DDX4: variants seen among roughly 807,000 people sequenced by gnomAD.
DDX4 encodes DEAD-box helicase 4.
A neutral mutation model predicts 100.0 loss-of-function variants in DDX4; 25 were observed. The observed-to-expected ratio is 0.25, with a 90% CI of 0.18 to 0.35. DDX4 has a LOEUF of 0.35. Ranked by LOEUF, DDX4 falls within the 10% of genes least tolerant of loss-of-function variation. DDX4 has a pLI of 1.00. For missense variants in DDX4, 635 were observed against 882.4 expected (o/e 0.72, Z 3.55); for synonymous variants, 259 against 275.7 (o/e 0.94, Z 0.60).
intron 7 of DDX4, among the ~76,000 whole-genome samples, chr5:55,774,446 C>G (rs1741442703): frequency 1.3e-5 from 2 of 152,174 alleles, no homozygotes; most frequent in Non-Finnish European, 2.9e-5. Flanking sequence ...GCCACTGCAT[C>G]TGGCCTGCAA....
intron 3 of DDX4, among the ~76,000 whole-genome samples, chr5:55,754,827 A>G (rs1365919588): frequency 6.6e-6 from 1 of 152,038 alleles, no homozygotes; most frequent in South Asian, 2.1e-4. Flanking sequence ...TTGGTAAGCT[A>G]TTGATTATTG....
intron 17 of DDX4, among the ~76,000 whole-genome samples, chr5:55,796,117 G>A (rs1742915977): frequency 6.6e-6 from 1 of 152,290 alleles, no homozygotes; most frequent in Non-Finnish European, 1.5e-5. Flanking sequence ...GAGTCAGCAG[G>A]CAAAGTTATC....
chr5:55,763,230 T>C lies in DDX4; in HGVS notation c.261T>C (p.Val87=). 1 of 1,611,230 alleles carries C rather than the reference T, an allele frequency of 6.2e-7. No homozygotes were observed. Among genetic ancestry groups the C allele is most frequent in the Non-Finnish European group, 8.5e-7 (1 of 1,177,686 alleles). The part of the protein sequence containing the change: ...DNTSTMGGFG[V]GKSFGNRGFS... ...CATCCACAATGGGTGGTTTTGGAGT[T>C]GGAAAGAGTTTTGGAAACAGAGGTA... Residue 87 remains valine, a synonymous_variant, in exon 5 of 22, where the codon GTT becomes GTC. Transcript: ENST00000505374.
intron 6 of DDX4, among the ~76,000 whole-genome samples, chr5:55,764,404 T>G (rs2111822463): frequency 6.6e-6 from 1 of 152,282 alleles, no homozygotes; most frequent in South Asian, 2.1e-4. Context: ...AGGGTCACAT[T>G]TAGATTCAAA....
intron 17 of DDX4, among the ~76,000 whole-genome samples, chr5:55,793,545 C>G (rs1180624681): frequency 6.6e-6 from 1 of 152,172 alleles, no homozygotes; most frequent in Non-Finnish European, 1.5e-5. Context: ...GCTATTTTCT[C>G]TAGTGGAACT....
At chr5:55,746,137 T>C (rs184171613) in intron 2 of DDX4, 27 bp from the exon 3 acceptor site, 1 of 1,567,678 alleles carries the variant, frequency 6.4e-7, no homozygotes, top group South Asian at 1.2e-5. Context: ...AGTAGGAAAC[T>C]AGTTTTTTCT....
At chr5:55,771,163 C>G (rs575241801) in intron 7 of DDX4, among the ~76,000 whole-genome samples, 1 of 152,228 alleles carries the variant, frequency 6.6e-6, no homozygotes, top group Admixed American at 6.5e-5. Flanking sequence ...TAGACAGGTA[C>G]ACATACCATA....
At chr5:55,807,535 C>T (rs1743815176) in intron 18 of DDX4, among the ~76,000 whole-genome samples, 1 of 152,178 alleles carries the variant, frequency 6.6e-6, no homozygotes, top group African/African-American at 2.4e-5. Context: ...CAAAATGTCT[C>T]AGCATTTGCT....
At chr5:55,779,086 A>G (rs1232506758) in intron 7 of DDX4, among the ~76,000 whole-genome samples, 1 of 152,198 alleles carries the variant, frequency 6.6e-6, no homozygotes, top group African/African-American at 2.4e-5. Context: ...GCATAGGGCA[A>G]AAGAAAAACA....
At chr5:55,803,432 G>C (rs550381366) in intron 18 of DDX4, among the ~76,000 whole-genome samples, 1 of 146,384 alleles carries the variant, frequency 6.8e-6, no homozygotes, top group Non-Finnish European at 1.5e-5. Context: ...CCACTAACTC[G>C]TCATCTAGCA....
chr5:55,759,180 G>A (rs987100359), intron 3 of DDX4, among the ~76,000 whole-genome samples: 14 of 151,596 alleles, frequency 9.2e-5, no homozygotes, highest in East Asian at 3.9e-4. Context: ...ATTAATTTTC[G>A]TTCTTTATTT....
intron 3 of DDX4, 131 bp from the exon 4 acceptor site, chr5:55,760,069 G>A: frequency 1.3e-6 from 1 of 760,562 alleles, no homozygotes; most frequent in Non-Finnish European, 1.9e-6. Flanking sequence ...TTTTTTTACT[G>A]GGCTGTTTGT....
intron 7 of DDX4, among the ~76,000 whole-genome samples, chr5:55,777,908 A>T (rs1042423087): frequency 3.3e-5 from 5 of 152,200 alleles, no homozygotes; most frequent in African/African-American, 1.2e-4. Context: ...AAAGGAAAAT[A>T]GACATAAGGA....
At chr5:55,785,617 G>T (rs888222873) in intron 12 of DDX4, 112 bp from the exon 13 acceptor site, 17 of 1,270,904 alleles carry the variant, frequency 1.3e-5, no homozygotes, top group Non-Finnish European at 1.7e-5. Context: ...AAGGTAAGCA[G>T]TGGGAAGTTC....
intron 7 of DDX4, among the ~76,000 whole-genome samples, chr5:55,776,466 C>A (rs1741571863): frequency 6.6e-6 from 1 of 152,108 alleles, no homozygotes; most frequent in African/African-American, 2.4e-5. Flanking sequence ...AAAATTCATA[C>A]CCTTATGCAT....
intron 18 of DDX4, among the ~76,000 whole-genome samples, chr5:55,804,201 C>A (rs1192824096): frequency 2.0e-5 from 3 of 151,930 alleles, no homozygotes; most frequent in Non-Finnish European, 2.9e-5. Flanking sequence ...TGTTTGAGTT[C>A]ATTGTAGATT....
chr5:55,783,516 G>T (rs1368514376), intron 10 of DDX4, among the ~76,000 whole-genome samples: 1 of 152,112 alleles, frequency 6.6e-6, no homozygotes, highest in East Asian at 1.9e-4. Context: ...AGGCCTGATT[G>T]TTCATCAAAA....
chr5:55,760,050 ATT>A (rs74270749), intron 3 of DDX4, 148 bp from the exon 4 acceptor site: 12,513 of 467,270 alleles, frequency 0.027, no homozygotes, highest in South Asian at 0.034. Context: ...TCATGTAGCC[ATT>A]TTTTTTTTTT....
rs1741024659 is a variant in DDX4, at chr5:55,767,906, T to C, written c.360T>C (p.Asn120=). 2 of 1,613,870 alleles carry C rather than the reference T, an allele frequency of 1.2e-6. 1 individual carries two copies. Among genetic ancestry groups the C allele is most frequent in the African/African-American group, 2.7e-5 (2 of 74,942 alleles). Residue 120 remains asparagine, a synonymous_variant, in exon 7 of 22, where the codon AAT becomes AAC. Coordinates refer to ENST00000505374, the MANE Select transcript of DDX4 (RefSeq NM_024415.3). The part of the protein sequence containing the change: ...WRESSNDCED[N]PTRNRGFSKR... ...AGTCTAGTAATGACTGCGAAGATAA[T>C]CCAACACGGAACAGAGGGTTTTCCA... is the stretch of plus-strand genomic sequence containing the variant.
Sources: gnomAD v4.1 joint callset for allele counts (sites outside exome capture counted in the v4.1 genomes callset) on GRCh38, gnomAD v4.1.1 for gene constraint, MANE v1.5 for transcripts, NCBI Gene and HGNC (gene_info 2026-07-23, HGNC 2026-07-21) for gene names.